Variants in GPC5 observed in about 807,000 individuals in gnomAD.
GPC5 encodes the protein glypican 5.
In GPC5, 47 loss-of-function variants were observed where a neutral mutation model predicts 53.9. That is an observed-to-expected ratio of 0.87 (90% CI 0.69 to 1.11). The LOEUF (loss-of-function observed/expected upper bound fraction) is 1.11. Ranked by LOEUF, GPC5 falls within the 50% of genes most tolerant of loss-of-function variation. The probability of loss-of-function intolerance (pLI) is 0.00; values close to 1 mark genes in which losing one functional copy is unlikely to be tolerated. For synonymous variants in GPC5, 286 were observed against 263.3 expected (o/e 1.09, Z -0.84); for missense variants, 748 against 713.1 (o/e 1.05, Z -0.56).
At chr13:91,957,747 G>A (rs1413226049) in intron 6 of GPC5, among the ~76,000 whole-genome samples, 2 of 152,052 alleles carry the variant, frequency 1.3e-5, no homozygotes, top group Non-Finnish European at 2.9e-5. Flanking sequence ...TACAAAAGCT[G>A]AGTGGATTTT....
intron 7 of GPC5, among the ~76,000 whole-genome samples, chr13:92,237,204 G>A (rs2042576799): frequency 6.6e-6 from 1 of 151,980 alleles, no homozygotes; most frequent in Non-Finnish European, 1.5e-5. Flanking sequence ...AAAAATAAAA[G>A]GTCTTGTGTT....
intron 7 of GPC5, among the ~76,000 whole-genome samples, chr13:92,259,265 A>G (rs2042748391): frequency 6.6e-6 from 1 of 152,138 alleles, no homozygotes; most frequent in Non-Finnish European, 1.5e-5. Context: ...ATTTAATTAT[A>G]TTCAGTTTTG....
chr13:91,488,674 G>A (rs1883755007), intron 2 of GPC5, among the ~76,000 whole-genome samples: 1 of 152,158 alleles, frequency 6.6e-6, no homozygotes, highest in African/African-American at 2.4e-5. Flanking sequence ...GTAAGCTGAG[G>A]AGGATGTCTG....
chr13:92,386,031 G>T (rs1003005252), intron 7 of GPC5, among the ~76,000 whole-genome samples: 3 of 151,586 alleles, frequency 2.0e-5, no homozygotes, highest in African/African-American at 7.3e-5. Flanking sequence ...AACTACCTTT[G>T]CCTACTTCAT....
At chr13:91,455,320 A>G (rs1165854871) in intron 2 of GPC5, among the ~76,000 whole-genome samples, 2 of 152,090 alleles carry the variant, frequency 1.3e-5, no homozygotes, top group Non-Finnish European at 2.9e-5. Flanking sequence ...AACTCACTCT[A>G]GTGGTTTGTG....
At position 92,538,570 on chromosome 13, in the gene GPC5, G is replaced by A. The variant is rs749973473; in HGVS notation, c.1562-327712G>A. On this transcript the variant is annotated intron_variant, in intron 7 of 7. Coordinates refer to ENST00000377067, the MANE Select transcript of GPC5 (RefSeq NM_004466.6). ...GGTGGTTTGCTACACCCATCAACCC[G>A]TCATCTACATTAGGTATTTCTCCTA... 5.1e-4 allele frequency among the ~76,000 whole-genome samples: 74 copies of A among 145,670 alleles called. 1 individual carries two copies. The highest frequency in any genetic ancestry group is 3.5e-3 in the Middle Eastern group (1 of 282).
chr13:91,789,429 T>A (rs982779133), intron 5 of GPC5, among the ~76,000 whole-genome samples: 2 of 152,174 alleles, frequency 1.3e-5, no homozygotes, highest in Non-Finnish European at 2.9e-5. Context: ...GTATTTGTAA[T>A]GTATCAAAGT....
At chr13:92,317,441 T>C (rs529390085) in intron 7 of GPC5, among the ~76,000 whole-genome samples, 103 of 152,146 alleles carry the variant, frequency 6.8e-4, no homozygotes, top group Non-Finnish European at 1.3e-3. Flanking sequence ...TGATTTACCC[T>C]TCATGTGTTC....
At chr13:92,672,849 CAT>C (rs1314415237) in intron 7 of GPC5, among the ~76,000 whole-genome samples, 2 of 152,116 alleles carry the variant, frequency 1.3e-5, no homozygotes, top group Non-Finnish European at 2.9e-5. Flanking sequence ...CACATGGACA[CAT>C]AGAGGGGAAT....
chr13:92,487,742 A>G (rs1879607878), intron 7 of GPC5, among the ~76,000 whole-genome samples: 1 of 152,016 alleles, frequency 6.6e-6, no homozygotes, highest in African/African-American at 2.4e-5. Context: ...TCTCAGGCTA[A>G]GTAGCTTGCT....
intron 2 of GPC5, among the ~76,000 whole-genome samples, chr13:91,477,953 G>A (rs1883023498): frequency 1.3e-5 from 2 of 152,082 alleles, no homozygotes; most frequent in Admixed American, 1.3e-4. Flanking sequence ...GAAAGTAGAT[G>A]GTCATTGGGT....
At chr13:92,358,474 G>C (rs1246655324) in intron 7 of GPC5, among the ~76,000 whole-genome samples, 5 of 151,706 alleles carry the variant, frequency 3.3e-5, no homozygotes, top group African/African-American at 9.8e-5. Flanking sequence ...CCGTGCCCCA[G>C]TGGGGACTCG....
chr13:91,407,185 C>T (rs1165994246), intron 1 of GPC5, among the ~76,000 whole-genome samples: 2 of 152,028 alleles, frequency 1.3e-5, no homozygotes, highest in Non-Finnish European at 2.9e-5. Context: ...AGTGAAGTTC[C>T]TTAAAATGTA....
chr13:92,758,979 C>T (rs1486472272), intron 7 of GPC5, among the ~76,000 whole-genome samples: 2 of 126,092 alleles, frequency 1.6e-5, no homozygotes, highest in African/African-American at 6.1e-5. Flanking sequence ...CAGAGAATAT[C>T]CTTTTCCCAT....
At chr13:92,758,300 G>A (rs1874993933) in intron 7 of GPC5, among the ~76,000 whole-genome samples, 1 of 147,026 alleles carries the variant, frequency 6.8e-6, no homozygotes, top group African/African-American at 2.5e-5. Context: ...CATGGACACA[G>A]GAAGGGGAAC....
intron 5 of GPC5, among the ~76,000 whole-genome samples, chr13:91,796,025 TACTCCCAGGATGGTGGCCAGCC>T: frequency 6.6e-6 from 1 of 152,288 alleles, no homozygotes; most frequent in Non-Finnish European, 1.5e-5. Flanking sequence ...GGTGGCGGGC[TACTCCCAGGATGGTGGCCAGCC>T]ACTCCCAAGA....
intron 7 of GPC5, among the ~76,000 whole-genome samples, chr13:92,524,898 T>C (rs1191752738): frequency 4.6e-5 from 7 of 152,070 alleles, no homozygotes; most frequent in Admixed American, 4.6e-4. Context: ...TGGAGATGCG[T>C]AGGGATGAAT....
chr13:91,821,556 G>T (rs1017345034), intron 5 of GPC5, among the ~76,000 whole-genome samples: 1 of 152,142 alleles, frequency 6.6e-6, no homozygotes, highest in Non-Finnish European at 1.5e-5. Context: ...TCATCAATAA[G>T]TGTGAAGTTT....
chr13:92,719,151 A>G (rs898818427), intron 7 of GPC5, among the ~76,000 whole-genome samples: 27 of 151,624 alleles, frequency 1.8e-4, no homozygotes, highest in Non-Finnish European at 4.4e-5. Flanking sequence ...TTTGAAATAC[A>G]TAGATGATTC....
Sources: allele counts gnomAD v4.1 joint callset (sites outside exome capture counted in the v4.1 genomes callset), GRCh38; gene constraint gnomAD v4.1.1; transcripts MANE v1.5; gene names NCBI Gene and HGNC (gene_info 2026-07-23, HGNC 2026-07-21).